The following MYBL1 variants were observed in gnomAD, a reference collection of about 807,000 sequenced individuals.
MYBL1 encodes myb-related protein A.
Under a neutral mutation model 96.3 loss-of-function variants are expected in MYBL1, and 17 were observed. The ratio of observed to expected loss-of-function variants is 0.18; its 90% confidence interval spans 0.12 to 0.26. The LOEUF (loss-of-function observed/expected upper bound fraction) is 0.26, where lower values mean the gene tolerates loss of function less well. MYBL1 is among the 10% of genes least tolerant of loss of function. The probability of loss-of-function intolerance (pLI) is 1.00; values close to 1 mark genes in which losing one functional copy is unlikely to be tolerated. For missense variants in MYBL1, 701 were observed against 882.9 expected, an observed-to-expected ratio of 0.79 and a Z score of 2.61; for synonymous variants, 282 against 292.7, an observed-to-expected ratio of 0.96 and a Z score of 0.37.
chr8:66,573,567 T>G, intron 10 of MYBL1, 61 bp from the exon 11 acceptor site: 1 of 1,338,842 alleles, frequency 7.5e-7, no homozygotes, highest in Admixed American at 2.8e-5. Context: ...ACACAAATAT[T>G]AAACTGATAA....
intron 12 of MYBL1, among the ~76,000 whole-genome samples, chr8:66,571,392 T>TG (rs959456684): frequency 1.3e-5 from 2 of 152,152 alleles, no homozygotes; most frequent in Non-Finnish European, 2.9e-5. Flanking sequence ...AATAACAATT[T>TG]GGGGTGTGTT....
intron 5 of MYBL1, among the ~76,000 whole-genome samples, chr8:66,597,007 C>A (rs1186623369): frequency 6.6e-6 from 1 of 152,080 alleles, no homozygotes; most frequent in Non-Finnish European, 1.5e-5. Context: ...TCTTTTCCAA[C>A]AGAGTTTATA....
intron 4 of MYBL1, among the ~76,000 whole-genome samples, chr8:66,598,753 AC>A (rs751934146): frequency 2.0e-5 from 3 of 152,208 alleles, no homozygotes; most frequent in Non-Finnish European, 2.9e-5. Context: ...AAAAAACTAT[AC>A]CCTAATAGTT....
At position 66,582,763 on chromosome 8, in the gene MYBL1, T is replaced by C. The variant is rs991236375; in HGVS notation, c.868-2397A>G. On this transcript the variant is annotated intron_variant, in intron 8 of 15. Coordinates refer to ENST00000522677, the MANE Select transcript of MYBL1 (RefSeq NM_001080416.4). ...TATAAAAAAAGACAAAAAAGGTCAA[T>C]ATATAATGATAAAGGGATCAATTCA... 1.3e-4 allele frequency among the ~76,000 whole-genome samples: 19 copies of C among 146,000 alleles called. No homozygotes were observed. The South Asian group carries it at 3.1e-3, about 23-fold the overall frequency.
intron 4 of MYBL1, among the ~76,000 whole-genome samples, chr8:66,597,892 A>T (rs1021848110): frequency 8.6e-5 from 13 of 151,678 alleles, no homozygotes; most frequent in African/African-American, 3.1e-4. Flanking sequence ...CCAAAAGCAA[A>T]AAACAAAAAT....
chr8:66,603,993 G>C lies in MYBL1; in HGVS notation c.21-1470C>G, dbSNP rs10102982. 2.4e-3 allele frequency among the ~76,000 whole-genome samples: 368 copies of C among 150,650 alleles called. 1 individual carries two copies. Among genetic ancestry groups the C allele is most frequent in the Non-Finnish European group, 4.6e-3 (309 of 67,664 alleles). The stretch of plus-strand genomic sequence containing the variant: ...AAAAAAAAATCAAGAAGAATGGCAA[G>C]AAAAGTTTTAAAAAAGAATAATCAG... On this transcript the variant is annotated intron_variant, in intron 1 of 15. Coordinates refer to ENST00000522677, the MANE Select transcript of MYBL1 (RefSeq NM_001080416.4).
At chr8:66,592,315 A>C (rs962433925) in intron 8 of MYBL1, 125 bp downstream of exon 8, 2 of 683,802 alleles carry the variant, frequency 2.9e-6, no homozygotes, top group Non-Finnish European at 4.8e-6. Context: ...ATTAAAAAAA[A>C]ACAAAACTAT....
intron 8 of MYBL1, among the ~76,000 whole-genome samples, chr8:66,588,968 C>T (rs1287745968): frequency 3.3e-5 from 5 of 152,054 alleles, no homozygotes; most frequent in Non-Finnish European, 5.9e-5. Flanking sequence ...TGCAGTGAGC[C>T]GAGATCACGC....
chr8:66,599,083 T>G lies in MYBL1; in HGVS notation c.258A>C (p.Ile86=), dbSNP rs373319678. The change falls in exon 4 of 16, where the codon ATA becomes ATC. Residue 86 remains isoleucine (I), a synonymous_variant. Coordinates refer to ENST00000522677, the MANE Select transcript of MYBL1 (RefSeq NM_001080416.4). ...RWQKVLNPEL[I]KGPWTKEEDQ... is the part of the protein sequence containing the mutation. ...CTTCTTCTTTAGTCCAAGGACCCTT[T>G]ATCAATTCAGGATTTAAAACTTTCT... 17 of 1,602,068 alleles carry G rather than the reference T, an allele frequency of 1.1e-5. No individual in the cohort carries two copies. Among genetic ancestry groups the G allele is most frequent in the African/African-American group, 2.7e-5 (2 of 74,432 alleles).
chr8:66,577,778 C>T (rs1809023969), intron 9 of MYBL1, among the ~76,000 whole-genome samples: 1 of 152,120 alleles, frequency 6.6e-6, no homozygotes, highest in Non-Finnish European at 1.5e-5. Flanking sequence ...CAAGTCAATC[C>T]TAAGCCAAAA....
intron 8 of MYBL1, among the ~76,000 whole-genome samples, chr8:66,590,188 T>A (rs1366655086): frequency 6.6e-6 from 1 of 152,212 alleles, no homozygotes; most frequent in African/African-American, 2.4e-5. Context: ...TATAAAGACA[T>A]CACCAGTTGC....
chr8:66,584,423 T>G (rs2129864639), intron 8 of MYBL1, among the ~76,000 whole-genome samples: 1 of 152,250 alleles, frequency 6.6e-6, no homozygotes, highest in East Asian at 1.9e-4. Flanking sequence ...AAAAAGGAAG[T>G]CAAACTGTCC....
chr8:66,578,290 G>A (rs1253703933), intron 9 of MYBL1, among the ~76,000 whole-genome samples: 2 of 149,924 alleles, frequency 1.3e-5, no homozygotes, highest in Non-Finnish European at 3.0e-5. Flanking sequence ...AGAGTGAACA[G>A]GCAACCTACA....
chr8:66,594,694 A>G (rs1469559811), intron 6 of MYBL1, among the ~76,000 whole-genome samples: 1 of 152,218 alleles, frequency 6.6e-6, no homozygotes, highest in Non-Finnish European at 1.5e-5. Flanking sequence ...GAGTATCAGC[A>G]GATAATTATA....
In MYBL1 at chr8:66,580,309, T is replaced by C. The variant is rs377315794; in HGVS notation, c.925A>G (p.Asn309Asp). Residue 309 changes from asparagine to aspartate, a missense_variant, in exon 9 of 16, where the codon AAT becomes GAT. Physicochemically the swap from Asn to Asp is conservative, Grantham distance 23 (BLOSUM62 1). Coordinates refer to ENST00000522677, the MANE Select transcript of MYBL1 (RefSeq NM_001080416.4). ...GSFLMDDNMS[N>D]TLNSLDEHTS... Reference sequence around the variant, plus strand: ...TGCTCGTCAAGGCTATTTAGAGTATTAGACATGTTATCATCCATGAGGAAA... The same window carrying C: ...TGCTCGTCAAGGCTATTTAGAGTATCAGACATGTTATCATCCATGAGGAAA... 1 of 1,613,770 alleles carries C rather than the reference T, an allele frequency of 6.2e-7. No homozygotes were observed. The highest frequency in any genetic ancestry group is 8.5e-7 in the Non-Finnish European group (1 of 1,179,766).
intron 3 of MYBL1, among the ~76,000 whole-genome samples, 156 bp from the exon 4 acceptor site, chr8:66,599,298 C>T (rs993372502): frequency 6.6e-6 from 1 of 152,046 alleles, no homozygotes. Flanking sequence ...ATATCTCTGC[C>T]CCAATTATGT....
Position 66,576,205 on chromosome 8 carries a change from A to G in MYBL1, c.1272T>C (p.Gly424=), listed in dbSNP as rs1198833149. The G allele has an allele frequency of 1.1e-5, 18 of 1,613,880 alleles. No homozygotes were observed. The Admixed American group carries it at 3.0e-4, about 27-fold the overall frequency. The change falls in exon 10 of 16, where the codon GGT becomes GGC. Residue 424 remains glycine, a synonymous_variant. Coordinates refer to ENST00000522677, the MANE Select transcript of MYBL1 (RefSeq NM_001080416.4). Reference sequence around the variant, plus strand: ...TTAAAGGAACAGCTTCACTGTTGCCACCATTACAAGTGTTTTTTTTCCCTT... The same window carrying G: ...TTAAAGGAACAGCTTCACTGTTGCCGCCATTACAAGTGTTTTTTTTCCCTT... ...VLEGKKNTCN[G]GNSEAVPLTS...
intron 4 of MYBL1, 118 bp from the exon 5 acceptor site, chr8:66,597,668 A>T: frequency 8.3e-6 from 5 of 600,218 alleles, no homozygotes; most frequent in Non-Finnish European, 1.4e-5. Flanking sequence ...ACAATTTGTT[A>T]AAAAAAAATT....
chr8:66,574,794 C>T (rs1345775862), intron 10 of MYBL1, among the ~76,000 whole-genome samples: 1 of 152,256 alleles, frequency 6.6e-6, no homozygotes, highest in Non-Finnish European at 1.5e-5. Context: ...GTGGCTCACG[C>T]CTGTAATCCC....
Sources: allele counts gnomAD v4.1 joint callset (sites outside exome capture counted in the v4.1 genomes callset), GRCh38; gene constraint gnomAD v4.1.1; transcripts MANE v1.5; gene names NCBI Gene and HGNC (gene_info 2026-07-23, HGNC 2026-07-21).